DTNA: variants seen among roughly 807,000 people sequenced by gnomAD.
The protein encoded by DTNA is dystrophin-related protein 3.
DTNA carries 43 observed loss-of-function variants against 100.7 expected under a neutral mutation model. The ratio of observed to expected loss-of-function variants is 0.43; its 90% CI spans 0.33 to 0.55. DTNA has a LOEUF of 0.55. Among genes scored for constraint, DTNA ranks in the 20% least tolerant of loss-of-function variants. The pLI, the probability that DTNA is intolerant of heterozygous loss-of-function variation, is 0.04. For missense variants in DTNA, 798 were observed against 953.9 expected (o/e 0.84, Z 2.15); for synonymous variants, 349 against 347.9 (o/e 1.00, Z -0.04).
At chr18:34,586,498 C>T (rs527780882) in intron 1 of DTNA, among the ~76,000 whole-genome samples, 6 of 152,124 alleles carry the variant, frequency 3.9e-5, no homozygotes, top group Non-Finnish European at 7.4e-5. Context: ...TGCAGCCACC[C>T]GTCTTGGACT....
intron 1 of DTNA, among the ~76,000 whole-genome samples, chr18:34,512,207 G>T (rs539526240): frequency 5.3e-5 from 8 of 152,044 alleles, no homozygotes; most frequent in African/African-American, 1.9e-4. Context: ...AGCAATGTTA[G>T]ATATCCCTAG....
chr18:34,862,695 G>A (rs968200647), intron 16 of DTNA, among the ~76,000 whole-genome samples: 2 of 152,094 alleles, frequency 1.3e-5, no homozygotes, highest in African/African-American at 4.8e-5. Flanking sequence ...AGCTACTCAT[G>A]AGGCTGATGG....
intron 1 of DTNA, among the ~76,000 whole-genome samples, chr18:34,523,818 A>G (rs890560310): frequency 1.3e-4 from 20 of 152,304 alleles, no homozygotes; most frequent in African/African-American, 4.8e-4. Flanking sequence ...ATGGCTTTTA[A>G]TATCAAATGA....
Position 34,827,561 on chromosome 18 carries a change from T to G in DTNA, c.1002-32T>G, listed in dbSNP as rs758812933. ...TTAAATTTGTGACTTTTATTTGTTT[T>G]AACTTTCCATTCACCCTGTGTTTTG... On this transcript the variant is annotated intron_variant, in intron 9 of 22. Coordinates refer to ENST00000444659, the MANE Select transcript of DTNA (RefSeq NM_001386795.1). 5.0e-6 allele frequency: 8 copies of G among 1,607,236 alleles called. No individual in the cohort carries two copies. The East Asian group carries it at 1.6e-4, about 31-fold the overall frequency.
chr18:34,784,237 T>C (rs2094436039), intron 3 of DTNA, among the ~76,000 whole-genome samples: 1 of 152,204 alleles, frequency 6.6e-6, no homozygotes, highest in Non-Finnish European at 1.5e-5. Context: ...CATTTAACTT[T>C]AGGAGATTCA....
chr18:34,792,238 G>T (rs2094779862), intron 3 of DTNA, among the ~76,000 whole-genome samples: 1 of 151,770 alleles, frequency 6.6e-6, no homozygotes, highest in Admixed American at 6.6e-5. Context: ...TGAACAGATT[G>T]CTCTCTCTCT....
rs1603351953 is a variant in DTNA at position 34,882,088 on chromosome 18, C to T, written c.2182C>T (p.Pro728Ser). The change falls in exon 21 of 23, where the codon CCC (proline) becomes TCC (serine). Residue 728 changes from proline to serine, a missense_variant. Around this residue, in one of 6 missense-constraint regions of DTNA, gnomAD observed 242 missense variants for 238.2 expected, o/e 1.02. Coordinates refer to ENST00000444659, the MANE Select transcript of DTNA (RefSeq NM_001386795.1). ...TTTCAGGGTTACGGAGGATGCAGAT[C>T]CCTATGTGCAGCCTGAAGATGAAAA... Reference protein sequence around the residue: ...RGDMVTEDADPYVQPEDENYE... With the variant: ...RGDMVTEDADSYVQPEDENYE... 1.2e-6 allele frequency: 2 copies of T among 1,614,084 alleles called. No homozygotes were observed. Among genetic ancestry groups the T allele is most frequent in the South Asian group, 1.1e-5 (1 of 91,080 alleles).
chr18:34,864,110 T>C, intron 17 of DTNA, 48 bp downstream of exon 17: 1 of 1,541,488 alleles, frequency 6.5e-7, no homozygotes, highest in Non-Finnish European at 8.8e-7. Context: ...CCATGTCATC[T>C]GTGAAAATTT....
rs563159412 is a variant in DTNA at position 34,802,204 on chromosome 18, A to G, written c.363-4015A>G. ...TGGCCTGAAGTTTTAGGGAAAATCT[A>G]TGTTTTTCAACCTCAGCACACACTG... On this transcript the variant is annotated intron_variant, in intron 4 of 22. Transcript: ENST00000444659. 2.0e-5 allele frequency among the ~76,000 whole-genome samples: 3 copies of G among 152,312 alleles called. No individual in the cohort carries two copies. The South Asian group carries it at 6.2e-4, about 32-fold the overall frequency.
intron 1 of DTNA, among the ~76,000 whole-genome samples, chr18:34,611,563 G>A (rs1160288368): frequency 6.6e-6 from 1 of 152,130 alleles, no homozygotes; most frequent in African/African-American, 2.4e-5. Context: ...GAGACTCCAG[G>A]CATACTCTGT....
chr18:34,754,025 C>T (rs2092599573), intron 1 of DTNA, among the ~76,000 whole-genome samples: 1 of 152,190 alleles, frequency 6.6e-6, no homozygotes, highest in South Asian at 2.1e-4. Flanking sequence ...AGTAACTCTA[C>T]TCCTTTCCAA....
At chr18:34,580,460 G>T (rs1482616256) in intron 1 of DTNA, among the ~76,000 whole-genome samples, 1 of 152,098 alleles carries the variant, frequency 6.6e-6, no homozygotes, top group East Asian at 1.9e-4. Flanking sequence ...TCTCTATTTG[G>T]CTGTGTGTGG....
At position 34,889,387 on chromosome 18, in the gene DTNA, TG is replaced by T. The variant is rs1265923965; in HGVS notation, c.*1654del. 1 of 984,906 alleles carries T rather than the reference TG, an allele frequency of 1.0e-6. No individual in the cohort carries two copies. The highest frequency in any genetic ancestry group is 1.7e-5 in the African/African-American group (1 of 57,224). The allele number at this position is 984,906 out of a possible 1,614,324, so 61.0% of individuals were successfully genotyped here. A position where few individuals can be genotyped will look rare whatever the true frequency, so the allele number is the denominator to read the frequency against. On this transcript the variant is annotated 3_prime_UTR_variant, in exon 23 of 23. Transcript: ENST00000444659. Reference sequence around the variant, plus strand: ...AGTCTGTTTTAGTCAACCCTCTAGGTGATTCTGATGCTCGCTAAAGGTTGAG... The same window carrying T: ...AGTCTGTTTTAGTCAACCCTCTAGGTATTCTGATGCTCGCTAAAGGTTGAG...
intron 1 of DTNA, among the ~76,000 whole-genome samples, chr18:34,753,385 T>TTTA (rs1568413293): frequency 1.0e-4 from 1 of 9,562 alleles, no homozygotes; most frequent in African/African-American, 5.1e-4. Context: ...TTTTTTTTAT[T>TTTA]TTTTATTTTT....
rs774114023 is a variant in DTNA, at chr18:34,884,768, T to A, written c.*23T>A. On this transcript the variant is annotated 3_prime_UTR_variant, in exon 22 of 23. Coordinates refer to ENST00000444659, the MANE Select transcript of DTNA (RefSeq NM_001386795.1). ...TGAATGCAATATCCTTTTATCACACTCCTCTCAAGTAAGTACCATCTTATT... is the reference window on the plus strand; with the variant it reads ...TGAATGCAATATCCTTTTATCACACACCTCTCAAGTAAGTACCATCTTATT... 2.5e-6 allele frequency: 4 copies of A among 1,613,944 alleles called. No individual in the cohort carries two copies. The African/African-American group carries it at 5.3e-5, about 22-fold the overall frequency.
intron 1 of DTNA, among the ~76,000 whole-genome samples, chr18:34,539,310 T>G (rs1241979184): frequency 6.6e-6 from 1 of 151,986 alleles, no homozygotes; most frequent in East Asian, 1.9e-4. Context: ...GAAGACAAAT[T>G]TGCATTTTGA....
intron 1 of DTNA, among the ~76,000 whole-genome samples, chr18:34,622,006 A>G (rs994274521): frequency 6.6e-6 from 1 of 152,146 alleles, no homozygotes; most frequent in African/African-American, 2.4e-5. Context: ...AAGGGTGGGC[A>G]GAGGGGAGGA....
At chr18:34,752,676 C>T (rs1433352573) in intron 1 of DTNA, among the ~76,000 whole-genome samples, 2 of 152,114 alleles carry the variant, frequency 1.3e-5, no homozygotes, top group Non-Finnish European at 2.9e-5. Context: ...TAATTATATT[C>T]TGTGCCTTGT....
chr18:34,696,270 G>C (rs190606432), intron 1 of DTNA, among the ~76,000 whole-genome samples: 1 of 152,036 alleles, frequency 6.6e-6, no homozygotes, highest in South Asian at 2.1e-4. Flanking sequence ...CAAAATTAGC[G>C]TGAGTTTTTA....
Sources: allele counts gnomAD v4.1 joint callset (sites outside exome capture counted in the v4.1 genomes callset), GRCh38; gene constraint gnomAD v4.1.1; regional missense constraint gnomAD v4.1.1; transcripts MANE v1.5; gene names NCBI Gene and HGNC (gene_info 2026-07-23, HGNC 2026-07-21).